The following SPTBN1 variants were observed in gnomAD, a reference collection of about 807,000 sequenced individuals.
The protein encoded by SPTBN1 is spectrin beta chain, non-erythrocytic 1.
Under a neutral mutation model 266.4 loss-of-function variants are expected in SPTBN1, and 32 were observed. The ratio of observed to expected loss-of-function variants is 0.12; its 90% CI spans 0.09 to 0.16. SPTBN1 has a LOEUF of 0.16. Ranked by LOEUF, SPTBN1 falls within the 10% of genes least tolerant of loss-of-function variation. The pLI is 1.00. For missense variants in SPTBN1, 2,296 were observed against 3,067.1 expected, an observed-to-expected ratio of 0.75 and a Z score of 5.94; for synonymous variants, 1,336 against 1,162.2, an observed-to-expected ratio of 1.15 and a Z score of -3.04.
At position 54,644,394 on chromosome 2, in the gene SPTBN1, T is replaced by G. The variant is rs1489721823; in HGVS notation, c.4077T>G (p.His1359Gln). The change falls in exon 20 of 36, where the codon CAT becomes CAG. Residue 1359 changes from histidine (H) to glutamine (Q), a missense_variant. His to Gln is a conservative substitution (Grantham distance 24). Around this residue, in one of 12 missense-constraint regions of SPTBN1, gnomAD observed 386 missense variants for 486.1 expected, o/e 0.79. Transcript: ENST00000356805. ...AVVKEKLTGL[H>Q]KMWEVLESTT... ...TGAAGGAGAAACTCACTGGTTTACA[T>G]AAAATGTGGGAAGTCCTTGAATCCA... is the stretch of plus-strand genomic sequence containing the variant. 6.2e-7 allele frequency: 1 copy of G among 1,614,234 alleles called. No homozygotes were observed. The highest frequency in any genetic ancestry group is 8.5e-7 in the Non-Finnish European group (1 of 1,180,024).
chr2:54,652,037 C>T (rs1024272910), intron 26 of SPTBN1, among the ~76,000 whole-genome samples: 2 of 152,126 alleles, frequency 1.3e-5, no homozygotes, highest in African/African-American at 2.4e-5. Context: ...AGCATTTCTC[C>T]ATATTCTACT....
In SPTBN1 at chr2:54,631,485, C is replaced by T. The variant is rs145248413; in HGVS notation, c.3438C>T (p.Ala1146=). The change falls in exon 16 of 36, where the codon GCC becomes GCT. Residue 1146 remains alanine, a synonymous_variant. Coordinates refer to ENST00000356805, the MANE Select transcript of SPTBN1 (RefSeq NM_003128.3). ...TGTTTCTGCGGCAGCGGCTGCAGGC[C>T]CTGGACACTGGATGGAACGAGCTCC... ...QYMFLRQRLQ[A]LDTGWNELHK... is the part of the protein sequence containing the mutation. 1.2e-6 allele frequency: 2 copies of T among 1,614,086 alleles called. No individual in the cohort carries two copies. The highest frequency in any genetic ancestry group is 2.7e-5 in the African/African-American group (2 of 74,932).
At chr2:54,660,933 C>G in intron 32 of SPTBN1, 2 of 985,406 alleles carry the variant, frequency 2.0e-6, no homozygotes, top group Non-Finnish European at 2.4e-6. Context: ...CAGCCGATGA[C>G]TTCAGGGTGT....
At chr2:54,476,704 A>G (rs1035665813) in intron 1 of SPTBN1, among the ~76,000 whole-genome samples, 1 of 152,252 alleles carries the variant, frequency 6.6e-6, no homozygotes, top group African/African-American at 2.4e-5. Flanking sequence ...TCTCATACAA[A>G]GCAAGTATTT....
In SPTBN1 at chr2:54,492,338, G is replaced by GGTTTTTT. The variant is rs1558775035; in HGVS notation, c.-47-34034_-47-34033insGTTTTTT. The stretch of plus-strand genomic sequence containing the variant: ...TTACTGGACATTTAGTTTGTCTGCA[G>GGTTTTTT]TTGTTTTTTTGTTTTTTTTTTTTTT... On this transcript the variant is annotated intron_variant, in intron 1 of 35. Coordinates refer to ENST00000356805, the MANE Select transcript of SPTBN1 (RefSeq NM_003128.3). Among the ~76,000 whole-genome samples, 15 of 118,104 alleles carry GGTTTTTT rather than the reference G, an allele frequency of 1.3e-4. 2 individuals are homozygous for GGTTTTTT. Among genetic ancestry groups the GGTTTTTT allele is most frequent in the Non-Finnish European group, 1.2e-4 (7 of 58,038 alleles). The allele number at this position is 118,104 out of a possible 152,430, so 77.5% of individuals were successfully genotyped here.
Position 54,596,538 on chromosome 2 carries a change from C to T in SPTBN1, c.149-2554C>T, listed in dbSNP as rs977274530. ...ATGGAATCTTCTGTGTCTTTTCCAA[C>T]GTGGGGGTGTGAACCTGAGGAACTT... On this transcript the variant is annotated intron_variant, in intron 2 of 35. Transcript: ENST00000356805. Among the ~76,000 whole-genome samples, 10 of 152,098 alleles carry T rather than the reference C, an allele frequency of 6.6e-5. No homozygotes were observed. In the East Asian group the frequency reaches 1.3e-3, roughly 20 times the overall value.
At chr2:54,634,712 T>C (rs1001437624) in intron 17 of SPTBN1, among the ~76,000 whole-genome samples, 2 of 152,236 alleles carry the variant, frequency 1.3e-5, no homozygotes, top group Admixed American at 6.5e-5. Context: ...CGAAACATCC[T>C]GACACTGTGG....
rs565148605 is a variant in SPTBN1 at position 54,670,924 on chromosome 2, A to C, written c.*2355A>C. The C allele has an allele frequency of 3.3e-5, 13 of 397,814 alleles. No individual in the cohort carries two copies. The highest frequency in any genetic ancestry group is 6.3e-4 in the Middle Eastern group (1 of 1,584). The allele number at this position is 397,814 out of a possible 1,614,324, so 24.6% of individuals were successfully genotyped here. On this transcript the variant is annotated 3_prime_UTR_variant, in exon 36 of 36. Transcript: ENST00000356805. The stretch of plus-strand genomic sequence containing the variant: ...CAGGCCGCACAGCCTGATGAGCTTC[A>C]AGCCTGGCAGGGTAAATAGTTTTTG...
intron 2 of SPTBN1, among the ~76,000 whole-genome samples, chr2:54,542,675 T>TCTTCCAGGGAAGAAACAAGGC (rs1672004310): frequency 6.6e-6 from 1 of 152,156 alleles, no homozygotes. Context: ...ACTGTTGTGT[T>TCTTCCAGGGAAGAAACAAGGC]CTTCCAGGGA....
chr2:54,655,226 T>G lies in SPTBN1; in HGVS notation c.5961+18T>G, dbSNP rs773717802. ...CTGAGGAGGTAGGTTGCTACTTTGC[T>G]TTGGAGCTGCAGCTGGCGTCAAGAT... is the stretch of plus-strand genomic sequence containing the variant. On this transcript the variant is annotated intron_variant, in intron 28 of 35. Transcript: ENST00000356805. The G allele has an allele frequency of 3.1e-6, 5 of 1,608,580 alleles. No individual in the cohort carries two copies. In the African/African-American group the frequency reaches 6.7e-5, roughly 22 times the overall value.
Position 54,522,689 on chromosome 2 carries a change from G to A in SPTBN1, c.-47-3683G>A, listed in dbSNP as rs1272514230. Among the ~76,000 whole-genome samples, 12 of 122,988 alleles carry A rather than the reference G, an allele frequency of 9.8e-5. 1 individual carries two copies. Among genetic ancestry groups the A allele is most frequent in the African/African-American group, 5.9e-4 (12 of 20,444 alleles). 80.7% of individuals were successfully genotyped at this position (122,988 alleles called of 152,430 possible). On this transcript the variant is annotated intron_variant, in intron 1 of 35. Coordinates refer to ENST00000356805, the MANE Select transcript of SPTBN1 (RefSeq NM_003128.3). ...GAGAGAGAGAGAGAGGAGAGAGAGA[G>A]AGAGAGAGAGAAAGAAAGAAAGGAA... is the stretch of plus-strand genomic sequence containing the variant.
At chr2:54,490,318 C>T (rs957802402) in intron 1 of SPTBN1, among the ~76,000 whole-genome samples, 14 of 152,090 alleles carry the variant, frequency 9.2e-5, no homozygotes, top group Admixed American at 2.6e-4. Context: ...GTGATCCGCT[C>T]GCTTCGACCT....
Position 54,645,892 on chromosome 2 carries a change from G to C in SPTBN1, c.4495-36G>C. 1 of 1,607,142 alleles carries C rather than the reference G, an allele frequency of 6.2e-7. No homozygotes were observed. Among genetic ancestry groups the C allele is most frequent in the Non-Finnish European group, 8.5e-7 (1 of 1,173,866 alleles). The stretch of plus-strand genomic sequence containing the variant: ...GTTTGTGTCGTATATTTGTTCCTCT[G>C]AGTGGATCTGACCACTTATTTAAAA... On this transcript the variant is annotated intron_variant, in intron 21 of 35. Coordinates refer to ENST00000356805, the MANE Select transcript of SPTBN1 (RefSeq NM_003128.3). The surrounding 1 kb of genome is among the most constrained non-coding windows in gnomAD (Gnocchi z 4.3).
intron 1 of SPTBN1, among the ~76,000 whole-genome samples, chr2:54,489,423 G>A (rs1054484790): frequency 2.6e-5 from 4 of 151,708 alleles, no homozygotes; most frequent in East Asian, 1.9e-4. Context: ...ATTCTAAGCC[G>A]GATGTGGTGG....
At chr2:54,503,202 A>G (rs565675796) in intron 1 of SPTBN1, among the ~76,000 whole-genome samples, 4 of 152,328 alleles carry the variant, frequency 2.6e-5, no homozygotes, top group Non-Finnish European at 4.4e-5. Flanking sequence ...CCATGCTGAT[A>G]TATTATGCTC....
At chr2:54,644,738 G>A in intron 20 of SPTBN1, 152 bp downstream of exon 20, 2 of 1,036,088 alleles carry the variant, frequency 1.9e-6, no homozygotes, top group Non-Finnish European at 2.7e-6. Flanking sequence ...CAGCATCGTA[G>A]AACATTTCCA....
At chr2:54,487,527 T>C in intron 1 of SPTBN1, among the ~76,000 whole-genome samples, 1 of 152,174 alleles carries the variant, frequency 6.6e-6, no homozygotes, top group Non-Finnish European at 1.5e-5. Context: ...CTTCCCTGAT[T>C]TTCAGCCTAG....
intron 2 of SPTBN1, among the ~76,000 whole-genome samples, chr2:54,536,182 C>A (rs972705875): frequency 6.6e-6 from 1 of 152,116 alleles, no homozygotes; most frequent in African/African-American, 2.4e-5. Context: ...AGTTTTCTAC[C>A]AAAGTGGACC....
At chr2:54,639,191 A>G (rs747768676) in intron 18 of SPTBN1, among the ~76,000 whole-genome samples, 9 of 152,262 alleles carry the variant, frequency 5.9e-5, no homozygotes, top group Non-Finnish European at 1.3e-4. Flanking sequence ...AAGACAGGGC[A>G]TAGAAGAGAG....
Sources: gnomAD v4.1 joint callset for allele counts (sites outside exome capture counted in the v4.1 genomes callset) on GRCh38, gnomAD v4.1.1 for gene constraint, gnomAD v4.1.1 regional missense constraint, Gnocchi (gnomAD v3.1) non-coding constraint, MANE v1.5 for transcripts, NCBI Gene and HGNC (gene_info 2026-07-23, HGNC 2026-07-21) for gene names.